CACUL1: variants seen among roughly 807,000 people sequenced by gnomAD.
The protein encoded by CACUL1 is CDK2-associated and cullin domain-containing protein 1.
In CACUL1, 13 loss-of-function variants were observed where a neutral mutation model predicts 45.2. That is an observed-to-expected ratio of 0.29 (90% CI 0.19 to 0.46). The LOEUF (loss-of-function observed/expected upper bound fraction) is 0.46, where lower values mean the gene tolerates loss of function less well. Ranked by LOEUF, CACUL1 falls within the 20% of genes least tolerant of loss-of-function variation. CACUL1 has a pLI of 1.00. For missense variants in CACUL1, 421 were observed against 471.4 expected (o/e 0.89, Z 0.99); for synonymous variants, 197 against 174.2 (o/e 1.13, Z -1.03).
intron 1 of CACUL1, among the ~76,000 whole-genome samples, chr10:118,736,067 C>T (rs928148308): frequency 6.6e-6 from 1 of 152,158 alleles, no homozygotes; most frequent in Admixed American, 6.5e-5. Flanking sequence ...TCTGCTCCCT[C>T]CAGCACAGGG....
intron 5 of CACUL1, among the ~76,000 whole-genome samples, chr10:118,700,314 C>CT (rs1479086814): frequency 1.6e-4 from 25 of 152,046 alleles, no homozygotes; most frequent in Non-Finnish European, 3.2e-4. Flanking sequence ...GCTGAGGACA[C>CT]TGAGACATTA....
chr10:118,707,134 G>T lies in CACUL1; in HGVS notation c.693+358C>A, dbSNP rs115780055. Among the ~76,000 whole-genome samples, 406 of 152,284 alleles carry T rather than the reference G, an allele frequency of 2.7e-3. 2 individuals are homozygous for T. The highest frequency in any genetic ancestry group is 0.014 in the Middle Eastern group (4 of 294). ...TTTTACTGTTCTATTTTTATGGAAT[G>T]ATTTACTTGGCATTTTACTTTCTGA... On this transcript the variant is annotated intron_variant, in intron 4 of 8. Transcript: ENST00000369151.
chr10:118,712,805 G>A (rs1845502049), intron 3 of CACUL1, among the ~76,000 whole-genome samples: 1 of 152,208 alleles, frequency 6.6e-6, no homozygotes, highest in Non-Finnish European at 1.5e-5. Flanking sequence ...GTAAGCCCAG[G>A]GCTTTTATGG....
chr10:118,720,706 T>TA (rs1459205108), intron 3 of CACUL1, among the ~76,000 whole-genome samples: 1 of 152,232 alleles, frequency 6.6e-6, no homozygotes, highest in African/African-American at 2.4e-5. Context: ...AAGTACTTTT[T>TA]ACTGGATCTC....
chr10:118,752,426 T>C (rs1487553199), intron 1 of CACUL1, among the ~76,000 whole-genome samples: 1 of 152,198 alleles, frequency 6.6e-6, no homozygotes, highest in African/African-American at 2.4e-5. Flanking sequence ...TTTTTTCCTT[T>C]AGTCTATTAA....
intron 5 of CACUL1, among the ~76,000 whole-genome samples, chr10:118,696,237 A>G (rs181018261): frequency 1.3e-5 from 2 of 152,338 alleles, no homozygotes; most frequent in East Asian, 3.9e-4. Context: ...AGGGGTGTCC[A>G]GTCTTTTGGC....
In CACUL1 at chr10:118,685,362, A is replaced by AG. The variant is rs1199104309; in HGVS notation, c.*765dup. ...TAATATGAATATGCTCTGGTGAACC[A>AG]GGGGAAAATCCGACCCATGTGCAAA... On this transcript the variant is annotated 3_prime_UTR_variant, in exon 9 of 9. Coordinates refer to ENST00000369151, the MANE Select transcript of CACUL1 (RefSeq NM_153810.5). The AG allele has an allele frequency of 8.0e-6, 1 of 125,460 alleles. No individual in the cohort carries two copies. Among genetic ancestry groups the AG allele is most frequent in the African/African-American group, 2.9e-5 (1 of 34,888 alleles). The allele number at this position is 125,460 out of a possible 1,614,324, so 7.8% of individuals were successfully genotyped here. A position where few individuals can be genotyped will look rare whatever the true frequency, so the allele number is the denominator to read the frequency against.
Position 118,681,484 on chromosome 10 carries a change from T to C in CACUL1, c.*4644A>G, listed in dbSNP as rs1172788210. 2 of 152,218 alleles carry C rather than the reference T, an allele frequency of 1.3e-5. No individual in the cohort carries two copies. Among genetic ancestry groups the C allele is most frequent in the African/African-American group, 4.8e-5 (2 of 41,446 alleles). 9.4% of individuals were successfully genotyped at this position (152,218 alleles called of 1,614,324 possible). On this transcript the variant is annotated 3_prime_UTR_variant, in exon 9 of 9. Coordinates refer to ENST00000369151, the MANE Select transcript of CACUL1 (RefSeq NM_153810.5). The stretch of plus-strand genomic sequence containing the variant: ...CAGTCTTAGTGCATTTAGTACATAG[T>C]CACAACATTGAAATGACGTGAGAAT...
Position 118,726,339 on chromosome 10 carries a change from T to C in CACUL1, c.597+2956A>G, listed in dbSNP as rs549869278. 51 of 1,287,804 alleles carry C rather than the reference T, an allele frequency of 4.0e-5. 1 individual carries two copies. The South Asian group carries it at 6.1e-4, about 15-fold the overall frequency. 79.8% of individuals were successfully genotyped at this position (1,287,804 alleles called of 1,614,324 possible). On this transcript the variant is annotated intron_variant, in intron 3 of 8. Transcript: ENST00000369151. ...CTAATTATGCTACTCTTTCCATTAGTACAGGTCACATTTAGTTACTCAGCA... is the reference window on the plus strand; with the variant it reads ...CTAATTATGCTACTCTTTCCATTAGCACAGGTCACATTTAGTTACTCAGCA...
At position 118,676,724 on chromosome 10, in the gene CACUL1, C is replaced by A. The variant is rs1322192409; in HGVS notation, c.*9404G>T. 1 of 152,106 alleles carries A rather than the reference C, an allele frequency of 6.6e-6. No homozygotes were observed. Among genetic ancestry groups the A allele is most frequent in the Non-Finnish European group, 1.5e-5 (1 of 68,020 alleles). The allele number at this position is 152,106 out of a possible 1,614,324, so 9.4% of individuals were successfully genotyped here. A position where few individuals can be genotyped will look rare whatever the true frequency, so the allele number is the denominator to read the frequency against. On this transcript the variant is annotated 3_prime_UTR_variant, in exon 9 of 9. Coordinates refer to ENST00000369151, the MANE Select transcript of CACUL1 (RefSeq NM_153810.5). Reference sequence around the variant, plus strand: ...AGCAAAGGTTTATTAACCACAAATACCACAAACAATATTTTAAAACATTTT... The same window carrying A: ...AGCAAAGGTTTATTAACCACAAATAACACAAACAATATTTTAAAACATTTT...
chr10:118,714,611 T>A (rs11198574), intron 3 of CACUL1, among the ~76,000 whole-genome samples: 22,173 of 152,174 alleles, frequency 0.15, 1,866 homozygotes, highest in Admixed American at 0.27. Flanking sequence ...TTTGTCAGTC[T>A]TTTTTTCAAG....
intron 1 of CACUL1, among the ~76,000 whole-genome samples, chr10:118,730,987 ATCT>A (rs1167167317): frequency 6.6e-6 from 1 of 152,186 alleles, no homozygotes; most frequent in Non-Finnish European, 1.5e-5. Flanking sequence ...GGCTGCTACT[ATCT>A]TAAACTGGAT....
At chr10:118,750,978 A>G (rs561868376) in intron 1 of CACUL1, among the ~76,000 whole-genome samples, 34 of 152,348 alleles carry the variant, frequency 2.2e-4, no homozygotes, top group African/African-American at 8.2e-4. Context: ...TGTTTTACAA[A>G]CAATCCAATT....
intron 3 of CACUL1, among the ~76,000 whole-genome samples, chr10:118,728,024 G>A (rs1300328141): frequency 6.6e-6 from 1 of 152,146 alleles, no homozygotes; most frequent in Non-Finnish European, 1.5e-5. Flanking sequence ...ATAGTTAGCG[G>A]CAAAAAGATG....
intron 4 of CACUL1, among the ~76,000 whole-genome samples, chr10:118,702,023 C>T (rs1845385056): frequency 6.6e-6 from 1 of 152,154 alleles, no homozygotes; most frequent in Admixed American, 6.6e-5. Flanking sequence ...GATGGCCTAA[C>T]GCAACTGAAA....
At chr10:118,752,598 C>T (rs1488886219) in intron 1 of CACUL1, among the ~76,000 whole-genome samples, 2 of 152,152 alleles carry the variant, frequency 1.3e-5, no homozygotes, top group Non-Finnish European at 2.9e-5. Flanking sequence ...ATTTTCTCTT[C>T]TTACATGTCC....
chr10:118,724,857 T>C (rs764784307), intron 3 of CACUL1, among the ~76,000 whole-genome samples: 3 of 152,182 alleles, frequency 2.0e-5, no homozygotes, highest in Non-Finnish European at 2.9e-5. Context: ...AGAAAGAAAC[T>C]AATTTGAATG....
Position 118,676,863 on chromosome 10 carries a change from CA to C in CACUL1, c.*9264del, listed in dbSNP as rs1564824498. 286 of 151,978 alleles carry C rather than the reference CA, an allele frequency of 1.9e-3. 1 individual carries two copies. Among genetic ancestry groups the C allele is most frequent in the African/African-American group, 6.7e-3 (279 of 41,382 alleles). The allele number at this position is 151,978 out of a possible 1,614,324, so 9.4% of individuals were successfully genotyped here. A position where few individuals can be genotyped will look rare whatever the true frequency, so the allele number is the denominator to read the frequency against. On this transcript the variant is annotated 3_prime_UTR_variant, in exon 9 of 9. Transcript: ENST00000369151. ...GTACACACACACACACACACACACA[CA>C]CACACACACTGGGGTGTGCACACTA...
intron 1 of CACUL1, among the ~76,000 whole-genome samples, chr10:118,746,025 G>A (rs1470558563): frequency 3.3e-5 from 5 of 151,362 alleles, no homozygotes; most frequent in Admixed American, 2.0e-4. Context: ...GGTGGCTGGC[G>A]CCTGTAGTCC....
Sources: allele counts gnomAD v4.1 joint callset (sites outside exome capture counted in the v4.1 genomes callset), GRCh38; gene constraint gnomAD v4.1.1; transcripts MANE v1.5; gene names NCBI Gene and HGNC (gene_info 2026-07-23, HGNC 2026-07-21).